The following EXT1 variants were observed in gnomAD, a reference collection of about 807,000 sequenced individuals.
EXT1 encodes exostosin glycosyltransferase 1, also known as exostosin-1.
Under a neutral mutation model 82.5 loss-of-function variants are expected in EXT1, and 20 were observed. That is an observed-to-expected ratio of 0.24 (90% CI 0.17 to 0.35). The LOEUF is 0.35. Among genes scored for constraint, EXT1 ranks in the 10% least tolerant of loss-of-function variants. The pLI is 1.00. For synonymous variants in EXT1, 348 were observed against 350.8 expected, an observed-to-expected ratio of 0.99 and a Z score of 0.09; for missense variants, 757 against 936.5, an observed-to-expected ratio of 0.81 and a Z score of 2.50.
intron 1 of EXT1, among the ~76,000 whole-genome samples, chr8:117,989,061 C>CAAAAAAA (rs10649300): frequency 9.5e-6 from 1 of 105,362 alleles, no homozygotes; most frequent in African/African-American, 3.5e-5. Context: ...CCCCTCCTCT[C>CAAAAAAA]AAAAAAAAAA....
intron 1 of EXT1, among the ~76,000 whole-genome samples, chr8:117,915,751 G>A (rs1472887485): frequency 6.6e-5 from 10 of 152,266 alleles, no homozygotes; most frequent in African/African-American, 1.7e-4. Context: ...AGCTACTCAG[G>A]AGGCTGAGGC....
intron 1 of EXT1, among the ~76,000 whole-genome samples, chr8:118,032,676 A>G (rs1816346778): frequency 6.6e-6 from 1 of 151,798 alleles, no homozygotes; most frequent in African/African-American, 2.4e-5. Context: ...ACGCCCAGCT[A>G]ATTTTGTATT....
At chr8:117,878,889 A>G (rs1813014365) in intron 1 of EXT1, among the ~76,000 whole-genome samples, 1 of 152,200 alleles carries the variant, frequency 6.6e-6, no homozygotes, top group Admixed American at 6.5e-5. Flanking sequence ...ACATCCATTG[A>G]GGGTTGGCTG....
At chr8:117,937,567 G>C (rs565166823) in intron 1 of EXT1, among the ~76,000 whole-genome samples, 2 of 152,202 alleles carry the variant, frequency 1.3e-5, no homozygotes, top group Non-Finnish European at 2.9e-5. Context: ...AAATAAACTG[G>C]CTGGAAGCCA....
At chr8:117,926,153 G>C (rs1813949335) in intron 1 of EXT1, among the ~76,000 whole-genome samples, 1 of 152,186 alleles carries the variant, frequency 6.6e-6, no homozygotes, top group South Asian at 2.1e-4. Flanking sequence ...AGAACATAAA[G>C]TCTATAATCA....
At chr8:117,894,288 C>T (rs900470896) in intron 1 of EXT1, among the ~76,000 whole-genome samples, 12 of 152,042 alleles carry the variant, frequency 7.9e-5, no homozygotes, top group Non-Finnish European at 1.0e-4. Flanking sequence ...ATCCTTCTGC[C>T]GCAGCCTCCT....
rs778280138 is a variant in EXT1, at chr8:118,110,224, T to C, written c.823A>G (p.Ile275Val). 1.9e-6 allele frequency: 3 copies of C among 1,614,210 alleles called. No individual in the cohort carries two copies. Among genetic ancestry groups the C allele is most frequent in the Non-Finnish European group, 2.5e-6 (3 of 1,180,040 alleles). ...VFKGKRYLTG[I>V]GSDTRNALYH... ...AAGGCATTCCTGGTGTCTGATCCTA[T>C]CCCTGTCAGGTACCTCTTCCCCTTG... The change falls in exon 1 of 11, where the codon ATA (isoleucine) becomes GTA (valine). Residue 275 changes from isoleucine (I) to valine (V), a missense_variant. Around this residue, in one of 4 missense-constraint regions of EXT1, gnomAD observed 247 missense variants for 330.1 expected, o/e 0.75. Transcript: ENST00000378204.
chr8:118,008,256 C>CTTTTT (rs527887350), intron 1 of EXT1, among the ~76,000 whole-genome samples: 185 of 151,434 alleles, frequency 1.2e-3, no homozygotes, highest in African/African-American at 4.2e-3. Flanking sequence ...GCATATTATA[C>CTTTTT]TTTTTTTTGT....
intron 1 of EXT1, among the ~76,000 whole-genome samples, chr8:117,856,268 GT>G (rs763332694): frequency 1.1e-3 from 139 of 129,776 alleles, no homozygotes; most frequent in African/African-American, 3.5e-3. Flanking sequence ...TTTTTTTTTT[GT>G]GGGGGGACGG....
chr8:117,970,253 A>AC (rs1255943701), intron 1 of EXT1, among the ~76,000 whole-genome samples: 2 of 151,512 alleles, frequency 1.3e-5, no homozygotes, highest in Non-Finnish European at 2.9e-5. Flanking sequence ...CCTGGGCTGT[A>AC]CCCCCAGAAC....
At chr8:118,074,592 C>T (rs1817171106) in intron 1 of EXT1, among the ~76,000 whole-genome samples, 1 of 151,764 alleles carries the variant, frequency 6.6e-6, no homozygotes, top group South Asian at 2.1e-4. Context: ...AAAAAAGTCC[C>T]CACCAGACGG....
At chr8:117,900,478 C>A (rs1813421319) in intron 1 of EXT1, among the ~76,000 whole-genome samples, 6 of 152,202 alleles carry the variant, frequency 3.9e-5, no homozygotes, top group Non-Finnish European at 8.8e-5. Context: ...GGATACAGCA[C>A]AGAGCCTTAG....
At chr8:118,094,845 A>C (rs1817581728) in intron 1 of EXT1, among the ~76,000 whole-genome samples, 1 of 152,206 alleles carries the variant, frequency 6.6e-6, no homozygotes, top group Non-Finnish European at 1.5e-5. Flanking sequence ...CAAATTGCTC[A>C]ACCTCCCTGG....
At chr8:117,896,971 C>T (rs191600622) in intron 1 of EXT1, among the ~76,000 whole-genome samples, 1 of 152,128 alleles carries the variant, frequency 6.6e-6, no homozygotes, top group African/African-American at 2.4e-5. Flanking sequence ...TGTTTCCCTT[C>T]ACCCCCACTT....
rs186366631 is a variant in EXT1, at chr8:117,887,533, G to A, written c.963-50332C>T. Among the ~76,000 whole-genome samples, 266 of 152,130 alleles carry A rather than the reference G, an allele frequency of 1.7e-3. 1 individual carries two copies. Among genetic ancestry groups the A allele is most frequent in the Non-Finnish European group, 3.3e-3 (222 of 67,986 alleles). On this transcript the variant is annotated intron_variant, in intron 1 of 10. Transcript: ENST00000378204. The stretch of plus-strand genomic sequence containing the variant: ...CGCCCAGATAATTTTTGTATTTTTA[G>A]TAGAGACAGGGTTTCACCATGTTGG...
chr8:118,069,912 G>A (rs1207695720), intron 1 of EXT1, among the ~76,000 whole-genome samples: 2 of 152,024 alleles, frequency 1.3e-5, no homozygotes, highest in African/African-American at 4.8e-5. Flanking sequence ...ATCCACATAT[G>A]TAAAAGGTTT....
chr8:117,832,232 GA>G (rs1158234506), intron 3 of EXT1, among the ~76,000 whole-genome samples: 1 of 152,106 alleles, frequency 6.6e-6, no homozygotes, highest in Non-Finnish European at 1.5e-5. Flanking sequence ...CAGTCTATTA[GA>G]AAAATGCCTA....
At chr8:118,074,159 G>A (rs1482736896) in intron 1 of EXT1, among the ~76,000 whole-genome samples, 1 of 152,034 alleles carries the variant, frequency 6.6e-6, no homozygotes, top group Non-Finnish European at 1.5e-5. Flanking sequence ...GGACGGGGAG[G>A]GGGAGGGAAG....
At chr8:117,981,975 T>C (rs951833721) in intron 1 of EXT1, among the ~76,000 whole-genome samples, 1 of 152,200 alleles carries the variant, frequency 6.6e-6, no homozygotes, top group African/African-American at 2.4e-5. Flanking sequence ...TTTTACAGTT[T>C]AGATTTTTTT....
Sources: allele counts gnomAD v4.1 joint callset (sites outside exome capture counted in the v4.1 genomes callset), GRCh38; gene constraint gnomAD v4.1.1; regional missense constraint gnomAD v4.1.1; transcripts MANE v1.5; gene names NCBI Gene and HGNC (gene_info 2026-07-23, HGNC 2026-07-21).